ABAT: variants seen among roughly 807,000 people sequenced by gnomAD.
The protein encoded by ABAT is 4-aminobutyrate aminotransferase.
A neutral mutation model predicts 64.6 loss-of-function variants in ABAT; 45 were observed. That is an observed-to-expected ratio of 0.70 (90% CI 0.55 to 0.89). The LOEUF (loss-of-function observed/expected upper bound fraction) is 0.89, where lower values mean the gene tolerates loss of function less well. Ranked by LOEUF, ABAT falls within the 40% of genes least tolerant of loss-of-function variation. ABAT has a pLI of 0.00. For synonymous variants in ABAT, 297 were observed against 250.5 expected (o/e 1.19, Z -1.75); for missense variants, 633 against 658.4 (o/e 0.96, Z 0.42).
chr16:8,778,989 G>A (rs759292566), intron 14 of ABAT, among the ~76,000 whole-genome samples: 3 of 152,208 alleles, frequency 2.0e-5, no homozygotes, highest in Non-Finnish European at 4.4e-5. Context: ...CCTGAGGGAG[G>A]ACAGGCATTT....
At position 8,768,204 on chromosome 16, in the gene ABAT, C is replaced by T; in HGVS notation, c.615C>T (p.Cys205=). 3.7e-6 allele frequency: 6 copies of T among 1,614,074 alleles called. No individual in the cohort carries two copies. Among genetic ancestry groups the T allele is most frequent in the Non-Finnish European group, 5.1e-6 (6 of 1,180,032 alleles). Residue 205 remains cysteine, a synonymous_variant, in exon 10 of 16, where the codon TGC becomes TGT. Coordinates refer to ENST00000268251, the MANE Select transcript of ABAT (RefSeq NM_020686.6). ...TTTCTTGGTTTTAGGCCCCTGGCTG[C>T]CCCGACTACAGCATCCTCTCCTTCA... is the stretch of plus-strand genomic sequence containing the variant. ...ETCMINQAPG[C]PDYSILSFMG...
chr16:8,742,337 A>G (rs971077194), intron 2 of ABAT, among the ~76,000 whole-genome samples: 1 of 152,182 alleles, frequency 6.6e-6, no homozygotes, highest in African/African-American at 2.4e-5. Flanking sequence ...TCTGATTGCT[A>G]CAATGCAATG....
Position 8,678,799 on chromosome 16 carries a change from C to T in ABAT, c.-42+4088C>T, listed in dbSNP as rs189041641. ...TAGATGAATGAGGTGGATCCACATT[C>T]CTGACCTTGAAAGGTTCCTGAGTCA... On this transcript the variant is annotated intron_variant, in intron 1 of 15. Coordinates refer to ENST00000268251, the MANE Select transcript of ABAT (RefSeq NM_020686.6). Among the ~76,000 whole-genome samples, 11 of 152,250 alleles carry T rather than the reference C, an allele frequency of 7.2e-5. No homozygotes were observed. The East Asian group carries it at 2.1e-3, about 29-fold the overall frequency.
At chr16:8,762,181 A>G (rs980516364) in intron 6 of ABAT, among the ~76,000 whole-genome samples, 1 of 152,100 alleles carries the variant, frequency 6.6e-6, no homozygotes, top group Non-Finnish European at 1.5e-5. Context: ...ACTATTTCTT[A>G]TGTCACCAGG....
intron 1 of ABAT, among the ~76,000 whole-genome samples, chr16:8,681,096 C>A (rs2057322557): frequency 1.3e-5 from 2 of 151,154 alleles, no homozygotes; most frequent in Admixed American, 1.3e-4. Flanking sequence ...ATCCTTCTGC[C>A]TCAGTCTTCC....
intron 1 of ABAT, among the ~76,000 whole-genome samples, chr16:8,734,938 T>C (rs1680063544): frequency 6.6e-6 from 1 of 151,802 alleles, no homozygotes; most frequent in Admixed American, 6.6e-5. Flanking sequence ...CTGGACACAG[T>C]GGTTCATACC....
chr16:8,730,409 G>C (rs971365422), intron 1 of ABAT, among the ~76,000 whole-genome samples: 3 of 152,100 alleles, frequency 2.0e-5, no homozygotes, highest in Non-Finnish European at 4.4e-5. Context: ...TCCTGGGCTC[G>C]GTGCCTGATT....
chr16:8,779,414 C>G (rs1045970005), intron 14 of ABAT, 65 bp from the exon 15 acceptor site: 6 of 1,398,846 alleles, frequency 4.3e-6, no homozygotes, highest in Admixed American at 1.7e-5. Context: ...CGAAGCACAG[C>G]CATTAAGCCC....
At position 8,772,875 on chromosome 16, in the gene ABAT, A is replaced by C. The variant is rs146310211; in HGVS notation, c.912A>C (p.Ala304=). ...PIQSEGGDNH[A]SDDFFRKLRD... Reference sequence around the variant, plus strand: ...AGTCCGAGGGTGGAGACAACCACGCATCCGATGACTTCTTTCGGAAGCTGA... The same window carrying C: ...AGTCCGAGGGTGGAGACAACCACGCCTCCGATGACTTCTTTCGGAAGCTGA... Residue 304 remains alanine, a synonymous_variant, in exon 12 of 16, where the codon GCA becomes GCC. Coordinates refer to ENST00000268251, the MANE Select transcript of ABAT (RefSeq NM_020686.6). The C allele has an allele frequency of 6.2e-7, 1 of 1,613,896 alleles. No individual in the cohort carries two copies. The highest frequency in any genetic ancestry group is 8.5e-7 in the Non-Finnish European group (1 of 1,179,964).
chr16:8,758,010 C>T (rs2059694766), intron 6 of ABAT, among the ~76,000 whole-genome samples: 1 of 152,186 alleles, frequency 6.6e-6, no homozygotes, highest in Non-Finnish European at 1.5e-5. Context: ...GTCAATTAAC[C>T]ACACACATGA....
chr16:8,774,816 G>C lies in ABAT; in HGVS notation c.955-74G>C, dbSNP rs550307863. ...GTGTGGACCCAGGGTTTGGCAGTTAGCTGGCTATGGAGGGCATGAATTTCT... is the reference window on the plus strand; with the variant it reads ...GTGTGGACCCAGGGTTTGGCAGTTACCTGGCTATGGAGGGCATGAATTTCT... On this transcript the variant is annotated intron_variant, in intron 12 of 15. Transcript: ENST00000268251. 392 of 1,586,288 alleles carry C rather than the reference G, an allele frequency of 2.5e-4. 1 individual carries two copies. In the South Asian group the frequency reaches 3.7e-3, roughly 15 times the overall value.
intron 4 of ABAT, among the ~76,000 whole-genome samples, chr16:8,749,386 C>CTTTT (rs1160144275): frequency 0.16 from 5,059 of 32,140 alleles, 1,829 homozygotes; most frequent in Non-Finnish European, 0.22. Flanking sequence ...CGCACCCGGC[C>CTTTT]TTTTTTTTTT....
chr16:8,772,506 C>G (rs2060142833), intron 11 of ABAT, among the ~76,000 whole-genome samples: 7 of 152,136 alleles, frequency 4.6e-5, no homozygotes, highest in Admixed American at 3.9e-4. Flanking sequence ...GTCAGTGTGC[C>G]CATACAACAC....
intron 5 of ABAT, 99 bp downstream of exon 5, chr16:8,750,638 C>G: frequency 9.4e-7 from 1 of 1,063,730 alleles, no homozygotes. Flanking sequence ...GCAGGCACAT[C>G]CCAGAGTGTT....
rs2060484212 is a variant in ABAT, at chr16:8,783,470, A to AG, written c.*2041dup. On this transcript the variant is annotated 3_prime_UTR_variant, in exon 16 of 16. Coordinates refer to ENST00000268251, the MANE Select transcript of ABAT (RefSeq NM_020686.6). ...AGGTGTCATTGGAGCAGTGTTTTGC[A>AG]GAATGAGCCAGAGTTCACCAAGCAG... 6.6e-6 allele frequency: 1 copy of AG among 152,278 alleles called. No individual in the cohort carries two copies. Among genetic ancestry groups the AG allele is most frequent in the Admixed American group, 6.5e-5 (1 of 15,270 alleles). The allele number at this position is 152,278 out of a possible 1,614,324, so 9.4% of individuals were successfully genotyped here. A position where few individuals can be genotyped will look rare whatever the true frequency, so the allele number is the denominator to read the frequency against.
chr16:8,722,493 G>T (rs1022068174), intron 1 of ABAT, among the ~76,000 whole-genome samples: 4 of 151,994 alleles, frequency 2.6e-5, no homozygotes, highest in Non-Finnish European at 5.9e-5. Context: ...TTTTTAAATT[G>T]AAAAAGCAAG....
At chr16:8,701,112 A>G (rs1403060111) in intron 1 of ABAT, among the ~76,000 whole-genome samples, 4 of 151,952 alleles carry the variant, frequency 2.6e-5, no homozygotes, top group African/African-American at 9.7e-5. Flanking sequence ...TAATTTTTGT[A>G]TTTTTAGTAG....
Position 8,775,084 on chromosome 16 carries a change from C to T in ABAT, c.1122+27C>T, listed in dbSNP as rs2142996932. The T allele has an allele frequency of 2.5e-6, 4 of 1,614,102 alleles. No homozygotes were observed. In the East Asian group the frequency reaches 8.9e-5, roughly 36 times the overall value. The stretch of plus-strand genomic sequence containing the variant: ...TGAGTTGGAGCCAACCTTCTCTCTA[C>T]ATCCAGGGCAGAGAAGGGAGCATCC... On this transcript the variant is annotated intron_variant, in intron 13 of 15. Transcript: ENST00000268251.
Position 8,764,028 on chromosome 16 carries a change from A to G in ABAT, c.367-41A>G, listed in dbSNP as rs778209702. 17 of 1,547,378 alleles carry G rather than the reference A, an allele frequency of 1.1e-5. No individual in the cohort carries two copies. The highest frequency in any genetic ancestry group is 5.0e-5 in the Admixed American group (3 of 59,916). On this transcript the variant is annotated intron_variant, in intron 6 of 15. Transcript: ENST00000268251. The surrounding 1 kb of genome is among the most constrained non-coding windows in gnomAD (Gnocchi z 4.2). ...CCATTTGTGGGCAGGGAGCTGGGTC[A>G]GGCCCCCAGAAGTCACCATTTGTCT...
Sources: gnomAD v4.1 joint callset for allele counts (sites outside exome capture counted in the v4.1 genomes callset) on GRCh38, gnomAD v4.1.1 for gene constraint, Gnocchi (gnomAD v3.1) non-coding constraint, MANE v1.5 for transcripts, NCBI Gene and HGNC (gene_info 2026-07-23, HGNC 2026-07-21) for gene names.